TMPO: variants seen among roughly 807,000 people sequenced by gnomAD.
The protein encoded by TMPO is thymopoietin.
A neutral mutation model predicts 45.4 loss-of-function variants in TMPO; 22 were observed. The ratio of observed to expected loss-of-function variants is 0.48; its 90% CI spans 0.35 to 0.69. The LOEUF is 0.69. Ranked by LOEUF, TMPO falls within the 30% of genes least tolerant of loss-of-function variation. The probability of loss-of-function intolerance (pLI) is 0.01; values close to 1 mark genes in which losing one functional copy is unlikely to be tolerated. For missense variants in TMPO, 512 were observed against 548.8 expected, an observed-to-expected ratio of 0.93 and a Z score of 0.67; for synonymous variants, 241 against 204.1, an observed-to-expected ratio of 1.18 and a Z score of -1.54.
intron 4 of TMPO, 101 bp downstream of exon 4, chr12:98,537,673 C>G: frequency 1.1e-6 from 1 of 899,270 alleles, no homozygotes; most frequent in Non-Finnish European, 1.8e-6. Context: ...GATTCCAGCA[C>G]GCTCAATAAA....
Position 98,544,277 on chromosome 12 carries a change from T to G in TMPO, c.711T>G (p.Ser237=). 6.2e-7 allele frequency: 1 copy of G among 1,613,988 alleles called. No homozygotes were observed. Among genetic ancestry groups the G allele is most frequent in the African/African-American group, 1.3e-5 (1 of 75,064 alleles). ...CTGAGACTGAATGGACAAGTGGATCTTCAAAAGGCGGACCTCTGCAGGCAT... is the reference window on the plus strand; with the variant it reads ...CTGAGACTGAATGGACAAGTGGATCGTCAAAAGGCGGACCTCTGCAGGCAT... ...GITETEWTSG[S]SKGGPLQALT... is the part of the protein sequence containing the mutation. The change falls in exon 5 of 9, where the codon TCT becomes TCG. Residue 237 remains serine (S), a synonymous_variant. Transcript: ENST00000556029.
At chr12:98,518,102 G>C (rs1876020148) in intron 1 of TMPO, among the ~76,000 whole-genome samples, 1 of 148,094 alleles carries the variant, frequency 6.8e-6, no homozygotes, top group Admixed American at 6.9e-5. Context: ...CCGAGATCGC[G>C]CCATCGCACT....
At chr12:98,525,328 G>A (rs1434344011) in intron 1 of TMPO, among the ~76,000 whole-genome samples, 1 of 152,212 alleles carries the variant, frequency 6.6e-6, no homozygotes, top group Non-Finnish European at 1.5e-5. Flanking sequence ...TTTCTCGTAA[G>A]TTGACATAAT....
chr12:98,530,539 T>C (rs1877120703), intron 2 of TMPO, among the ~76,000 whole-genome samples: 1 of 152,202 alleles, frequency 6.6e-6, no homozygotes, highest in African/African-American at 2.4e-5. Flanking sequence ...ATACAGTTAA[T>C]GTAAAACAAA....
chr12:98,534,105 G>A (rs1441426608), intron 3 of TMPO: 2 of 1,613,172 alleles, frequency 1.2e-6, no homozygotes, highest in South Asian at 2.2e-5. Flanking sequence ...AAGCGCTTGG[G>A]ATTCTGAGCA....
chr12:98,533,084 T>C lies in TMPO; in HGVS notation c.565+1246T>C, dbSNP rs144465114. Reference sequence around the variant, plus strand: ...CAGAAGTTAGCCTCTGAAAGGAATTTGTTTATTTCATGCAAGTCTAGCCAT... The same window carrying C: ...CAGAAGTTAGCCTCTGAAAGGAATTCGTTTATTTCATGCAAGTCTAGCCAT... On this transcript the variant is annotated intron_variant, in intron 3 of 8. Transcript: ENST00000556029. 6.2e-6 allele frequency: 10 copies of C among 1,613,892 alleles called. No homozygotes were observed. The highest frequency in any genetic ancestry group is 7.6e-6 in the Non-Finnish European group (9 of 1,179,894).
chr12:98,545,125 G>GT lies in TMPO; in HGVS notation c.990+67dup, dbSNP rs573744306. 3.0e-3 allele frequency: 1,607 copies of GT among 542,060 alleles called. 1 individual carries two copies. The highest frequency in any genetic ancestry group is 0.014 in the African/African-American group (529 of 39,132). The allele number at this position is 542,060 out of a possible 1,614,324, so 33.6% of individuals were successfully genotyped here. On this transcript the variant is annotated intron_variant, in intron 7 of 8. Coordinates refer to ENST00000556029, the MANE Select transcript of TMPO (RefSeq NM_001032283.3). Reference sequence around the variant, plus strand: ...TTTCAAAGAGGAAATATAAATATTTGTTTGTTTTTTTTTTTTTTTTTTGGA... The same window carrying GT: ...TTTCAAAGAGGAAATATAAATATTTGTTTTGTTTTTTTTTTTTTTTTTTGGA...
chr12:98,516,156 C>A lies in TMPO; in HGVS notation c.279+10C>A. ...AGCAGCCGTCGGCAGGGTAAGGACG[C>A]GGGGCCGGGGCTACAAAGGCGGGCG... On this transcript the variant is annotated intron_variant, in intron 1 of 8. Transcript: ENST00000556029. The A allele has an allele frequency of 7.3e-7, 1 of 1,378,212 alleles. No individual in the cohort carries two copies. Among genetic ancestry groups the A allele is most frequent in the East Asian group, 2.9e-5 (1 of 34,132 alleles). The allele number at this position is 1,378,212 out of a possible 1,614,324, so 85.4% of individuals were successfully genotyped here. A position where few individuals can be genotyped will look rare whatever the true frequency, so the allele number is the denominator to read the frequency against.
chr12:98,536,004 C>G (rs1017955705), intron 3 of TMPO, among the ~76,000 whole-genome samples: 2 of 152,112 alleles, frequency 1.3e-5, no homozygotes, highest in African/African-American at 4.8e-5. Flanking sequence ...AACATAGATA[C>G]ATTGACAGAT....
intron 3 of TMPO, chr12:98,534,628 C>G (rs1161325984): frequency 5.8e-6 from 7 of 1,200,206 alleles, no homozygotes; most frequent in African/African-American, 4.7e-5. Flanking sequence ...TTTTACAATT[C>G]TCCAAAACTA....
Position 98,528,681 on chromosome 12 carries a change from G to A in TMPO, c.406+669G>A, listed in dbSNP as rs897938460. On this transcript the variant is annotated intron_variant, in intron 2 of 8. Transcript: ENST00000556029. Reference sequence around the variant, plus strand: ...TGCCCAAATAAATGAGTTAATGGCCGGGCGCAGTAGCTCACACCTGTAATC... The same window carrying A: ...TGCCCAAATAAATGAGTTAATGGCCAGGCGCAGTAGCTCACACCTGTAATC... 4.6e-5 allele frequency among the ~76,000 whole-genome samples: 7 copies of A among 152,174 alleles called. 1 individual carries two copies. Among genetic ancestry groups the A allele is most frequent in the African/African-American group, 7.2e-5 (3 of 41,498 alleles).
chr12:98,533,687 C>T (rs1228080825), intron 3 of TMPO: 2 of 1,614,056 alleles, frequency 1.2e-6, no homozygotes, highest in Non-Finnish European at 8.5e-7. Context: ...CTAGAAGTGG[C>T]TAAGCAATCA....
intron 3 of TMPO, chr12:98,532,713 G>C: frequency 6.5e-7 from 1 of 1,534,642 alleles, no homozygotes; most frequent in Non-Finnish European, 8.9e-7. Context: ...TTCAGAATAT[G>C]AAATTATAGT....
chr12:98,524,814 G>A (rs758749626), intron 1 of TMPO, among the ~76,000 whole-genome samples: 6 of 152,016 alleles, frequency 3.9e-5, no homozygotes, highest in Non-Finnish European at 2.9e-5. Context: ...TGCTGGTCTC[G>A]AACTCCTGAC....
At chr12:98,522,093 G>C (rs571251880) in intron 1 of TMPO, among the ~76,000 whole-genome samples, 1 of 152,126 alleles carries the variant, frequency 6.6e-6, no homozygotes, top group African/African-American at 2.4e-5. Context: ...TAGTGCAGTG[G>C]TATGATCATA....
intron 4 of TMPO, among the ~76,000 whole-genome samples, chr12:98,540,855 T>A (rs1422455213): frequency 3.3e-5 from 5 of 152,228 alleles, no homozygotes; most frequent in Admixed American, 3.3e-4. Context: ...AGGTATAGAA[T>A]GTCTTTCTGG....
In TMPO at chr12:98,547,854, A is replaced by C; in HGVS notation, c.1361A>C (p.Asn454Thr). The change falls in exon 9 of 9, where the codon AAC becomes ACC. Residue 454 changes from asparagine to threonine, a missense_variant. Coordinates refer to ENST00000556029, the MANE Select transcript of TMPO (RefSeq NM_001032283.3). ...NFLHVDPRKSN is the reference protein window; with the variant it reads ...NFLHVDPRKST ...CTTCATGTTGACCCTAGAAAATCCA[A>C]CTGAATGGTATCTCTTTGGCACGTT... The C allele has an allele frequency of 5.6e-6, 9 of 1,614,036 alleles. No homozygotes were observed. The highest frequency in any genetic ancestry group is 1.3e-5 in the African/African-American group (1 of 75,044).
intron 1 of TMPO, among the ~76,000 whole-genome samples, chr12:98,524,914 C>A (rs529721522): frequency 6.6e-6 from 1 of 152,204 alleles, no homozygotes; most frequent in African/African-American, 2.4e-5. Flanking sequence ...TCTTGAAAAC[C>A]TCTCAGGCGG....
chr12:98,518,470 C>CTTTTTTTTTT lies in TMPO; in HGVS notation c.279+2339_279+2348dup, dbSNP rs11437786. 2.0e-3 allele frequency among the ~76,000 whole-genome samples: 166 copies of CTTTTTTTTTT among 83,496 alleles called. 5 individuals carry two copies. Among genetic ancestry groups the CTTTTTTTTTT allele is most frequent in the African/African-American group, 2.7e-3 (53 of 19,784 alleles). The allele number at this position is 83,496 out of a possible 152,430, so 54.8% of individuals were successfully genotyped here. On this transcript the variant is annotated intron_variant, in intron 1 of 8. Transcript: ENST00000556029. ...CGCTACACCCGGCTAATTTTCTAAT[C>CTTTTTTTTTT]TTTTTTTTTTTTTTTTTTTTTTTTG... is the stretch of plus-strand genomic sequence containing the variant.
Sources: gnomAD v4.1 joint callset for allele counts (sites outside exome capture counted in the v4.1 genomes callset) on GRCh38, gnomAD v4.1.1 for gene constraint, MANE v1.5 for transcripts, NCBI Gene and HGNC (gene_info 2026-07-23, HGNC 2026-07-21) for gene names.